ZNF516: variants seen among roughly 807,000 people sequenced by gnomAD.
ZNF516 encodes the protein zinc finger protein 516.
Under a neutral mutation model 79.7 loss-of-function variants are expected in ZNF516, and 19 were observed. The ratio of observed to expected loss-of-function variants is 0.24; its 90% CI spans 0.17 to 0.35. ZNF516 has a LOEUF of 0.35. ZNF516 is among the 10% of genes least tolerant of loss of function. ZNF516 has a pLI of 1.00. For synonymous variants in ZNF516, 877 were observed against 739.5 expected (o/e 1.19, Z -3.02); for missense variants, 1,678 against 1,679.5 (o/e 1.00, Z 0.02).
At position 76,441,733 on chromosome 18, in the gene ZNF516, T is replaced by A; in HGVS notation, c.1322A>T (p.Glu441Val). 1 of 1,572,856 alleles carries A rather than the reference T, an allele frequency of 6.4e-7. No individual in the cohort carries two copies. Among genetic ancestry groups the A allele is most frequent in the Non-Finnish European group, 8.6e-7 (1 of 1,164,396 alleles). The stretch of plus-strand genomic sequence containing the variant: ...GAAGGCCACGTCCCCGGCCAGCGCC[T>A]CGTCCCAGGCCCCGTACTTGAGGTA... ...AEYLKYGAWD[E>V]ALAGDVAFDK... is the part of the protein sequence containing the mutation. Residue 441 changes from glutamate (E) to valine (V), a missense_variant, in exon 3 of 7, where the codon GAG (glutamate) becomes GTG (valine). Physicochemically the swap from Glu to Val is moderately radical, Grantham distance 121. Transcript: ENST00000443185.
chr18:76,407,266 A>G (rs1003464719), intron 3 of ZNF516, among the ~76,000 whole-genome samples: 4 of 151,964 alleles, frequency 2.6e-5, no homozygotes, highest in African/African-American at 9.7e-5. Context: ...TCTCCACAAA[A>G]ATAAAATAAT....
intron 2 of ZNF516, among the ~76,000 whole-genome samples, chr18:76,448,176 T>A (rs188562124): frequency 2.6e-5 from 4 of 152,312 alleles, no homozygotes; most frequent in African/African-American, 9.6e-5. Flanking sequence ...CATGTAAACA[T>A]CAAAAACATC....
chr18:76,442,028 G>C lies in ZNF516; in HGVS notation c.1027C>G (p.Leu343Val). The C allele has an allele frequency of 4.3e-6, 7 of 1,613,944 alleles. No homozygotes were observed. Among genetic ancestry groups the C allele is most frequent in the Non-Finnish European group, 5.9e-6 (7 of 1,179,884 alleles). ...LYEVCAKCGN[L>V]FTNLDSLNAH... ...TTCAAGCTGTCCAGGTTTGTAAACAGGTTCCCGCACTTGGCGCAGACCTCG... is the reference window on the plus strand; with the variant it reads ...TTCAAGCTGTCCAGGTTTGTAAACACGTTCCCGCACTTGGCGCAGACCTCG... Residue 343 changes from leucine (L) to valine (V), a missense_variant, in exon 3 of 7, where the codon CTG becomes GTG. Transcript: ENST00000443185.
intron 1 of ZNF516, among the ~76,000 whole-genome samples, chr18:76,480,841 G>A (rs1298177332): frequency 6.6e-6 from 1 of 152,114 alleles, no homozygotes; most frequent in African/African-American, 2.4e-5. Context: ...ATTTTAAAAT[G>A]GTTGGGATTA....
At chr18:76,480,033 C>G (rs192624814) in intron 1 of ZNF516, among the ~76,000 whole-genome samples, 2 of 152,120 alleles carry the variant, frequency 1.3e-5, no homozygotes, top group Non-Finnish European at 2.9e-5. Flanking sequence ...AACCCTGGCA[C>G]CAGGCGGCGG....
In ZNF516 at chr18:76,371,541, T is replaced by C. The variant is rs749014970; in HGVS notation, c.3290A>G (p.Glu1097Gly). Residue 1097 changes from glutamate (E) to glycine (G), a missense_variant, in exon 5 of 7, where the codon GAG (glutamate) becomes GGG (glycine). Physicochemically the swap from Glu to Gly is moderately conservative, Grantham distance 98 (BLOSUM62 -2). Around this residue, in one of 5 missense-constraint regions of ZNF516, gnomAD observed 1,294 missense variants for 1,248.3 expected, o/e 1.04. Transcript: ENST00000443185. ...GTLRTQARPG[E>G]FVCIECGKSF... ...CTTTCCGCACTCGATGCAGACGAAC[T>C]CTCCTGGCCGGGCCTGCGTCCGGAG... 1.9e-6 allele frequency: 3 copies of C among 1,610,858 alleles called. No individual in the cohort carries two copies. Among genetic ancestry groups the C allele is most frequent in the East Asian group, 2.2e-5 (1 of 44,862 alleles).
intron 3 of ZNF516, among the ~76,000 whole-genome samples, chr18:76,402,558 G>A (rs1435171338): frequency 6.6e-6 from 1 of 152,222 alleles, no homozygotes; most frequent in Non-Finnish European, 1.5e-5. Flanking sequence ...GCGGGGGACA[G>A]AGGAAGACGT....
chr18:76,472,916 T>C (rs1913930383), intron 1 of ZNF516, among the ~76,000 whole-genome samples: 1 of 152,074 alleles, frequency 6.6e-6, no homozygotes, highest in Non-Finnish European at 1.5e-5. Context: ...TTAACACTAA[T>C]AGACTAAAAA....
intron 6 of ZNF516, among the ~76,000 whole-genome samples, chr18:76,370,010 C>G (rs2074676907): frequency 6.6e-6 from 1 of 152,192 alleles, no homozygotes; most frequent in African/African-American, 2.4e-5. Context: ...CAGGTCACGC[C>G]TGGATGGTAA....
In ZNF516 at chr18:76,457,638, G is replaced by A. The variant is rs542241004; in HGVS notation, c.-158+5390C>T. ...AGGCTGAGGCGGGAAGATCCCTGAC[G>A]CCGGGGAGGTCGAGGCTGCAGTGAG... On this transcript the variant is annotated intron_variant, in intron 2 of 6. Transcript: ENST00000443185. Among the ~76,000 whole-genome samples the A allele has an allele frequency of 7.2e-5, 11 of 152,288 alleles. No individual in the cohort carries two copies. In the East Asian group the frequency reaches 2.1e-3, roughly 29 times the overall value.
rs866134154 is a variant in ZNF516 at position 76,490,704 on chromosome 18, A to G, written c.-272+4440T>C. ...ACCTTCAATCAAGATTCGAAACTGC[A>G]TGGCAGGCTGACGGGGGCAATGCCT... is the stretch of plus-strand genomic sequence containing the variant. On this transcript the variant is annotated intron_variant, in intron 1 of 6. Coordinates refer to ENST00000443185, the MANE Select transcript of ZNF516 (RefSeq NM_014643.4). The G allele has an allele frequency of 1.6e-5, 15 of 921,152 alleles. No homozygotes were observed. In the South Asian group the frequency reaches 7.0e-4, roughly 43 times the overall value. 57.1% of individuals were successfully genotyped at this position (921,152 alleles called of 1,614,324 possible). A position where few individuals can be genotyped will look rare whatever the true frequency, so the allele number is the denominator to read the frequency against.
chr18:76,448,197 T>C (rs112256575), intron 2 of ZNF516, among the ~76,000 whole-genome samples: 2,385 of 152,282 alleles, frequency 0.016, 31 homozygotes, highest in Middle Eastern at 0.054. Context: ...TAAAGACATA[T>C]ATATTAAGGC....
At chr18:76,425,817 G>A (rs1246883983) in intron 3 of ZNF516, among the ~76,000 whole-genome samples, 1 of 152,190 alleles carries the variant, frequency 6.6e-6, no homozygotes, top group Non-Finnish European at 1.5e-5. Context: ...AGGGGTCGAG[G>A]TCCAGGTAAG....
At chr18:76,429,073 C>T (rs960012950) in intron 3 of ZNF516, among the ~76,000 whole-genome samples, 3 of 152,188 alleles carry the variant, frequency 2.0e-5, no homozygotes, top group Non-Finnish European at 2.9e-5. Flanking sequence ...CTCTCCCTCC[C>T]GGGGACAAGA....
At chr18:76,366,066 C>T (rs369621110) in intron 6 of ZNF516, among the ~76,000 whole-genome samples, 27 of 152,236 alleles carry the variant, frequency 1.8e-4, no homozygotes, top group Non-Finnish European at 2.4e-4. Context: ...TTAAACAGTG[C>T]GTGTGCTGAA....
chr18:76,372,237 C>T (rs1237027804), intron 4 of ZNF516, among the ~76,000 whole-genome samples: 2 of 152,244 alleles, frequency 1.3e-5, no homozygotes, highest in African/African-American at 2.4e-5. Context: ...ACTCAAAGGC[C>T]GGGCTTTGTG....
chr18:76,374,908 T>C (rs534677160), intron 4 of ZNF516, among the ~76,000 whole-genome samples: 2 of 151,936 alleles, frequency 1.3e-5, no homozygotes, highest in Admixed American at 6.5e-5. Context: ...GTCAAAAAGA[T>C]CAATTTGACC....
chr18:76,479,486 C>G (rs1037508102), intron 1 of ZNF516, among the ~76,000 whole-genome samples: 4 of 152,212 alleles, frequency 2.6e-5, no homozygotes, highest in African/African-American at 9.6e-5. Context: ...GTCCCTGGGG[C>G]ACGGTCCTCT....
intron 3 of ZNF516, among the ~76,000 whole-genome samples, chr18:76,408,655 G>T (rs138143319): frequency 6.6e-6 from 1 of 152,158 alleles, no homozygotes; most frequent in Non-Finnish European, 1.5e-5. Context: ...GACCGCTAAC[G>T]ACAGAAAGAG....
Sources: allele counts gnomAD v4.1 joint callset (sites outside exome capture counted in the v4.1 genomes callset), GRCh38; gene constraint gnomAD v4.1.1; regional missense constraint gnomAD v4.1.1; transcripts MANE v1.5; gene names NCBI Gene and HGNC (gene_info 2026-07-23, HGNC 2026-07-21).